TMPRSS11F: variants seen among roughly 807,000 people sequenced by gnomAD.
TMPRSS11F encodes transmembrane protease serine 11F.
A neutral mutation model predicts 60.2 loss-of-function variants in TMPRSS11F; 47 were observed. That is an observed-to-expected ratio of 0.78 (90% CI 0.62 to 1.00). The LOEUF is 1.00. Among genes scored for constraint, TMPRSS11F ranks in the 50% least tolerant of loss-of-function variants. The probability of loss-of-function intolerance (pLI) is 0.00; values close to 1 mark genes in which losing one functional copy is unlikely to be tolerated. For missense variants in TMPRSS11F, 519 were observed against 522.9 expected, an observed-to-expected ratio of 0.99 and a Z score of 0.07; for synonymous variants, 166 against 167.3, an observed-to-expected ratio of 0.99 and a Z score of 0.06.
intron 1 of TMPRSS11F, among the ~76,000 whole-genome samples, chr4:68,109,621 T>TA (rs1724372838): frequency 6.6e-6 from 1 of 152,170 alleles, no homozygotes; most frequent in African/African-American, 2.4e-5. Context: ...GTTTATATAT[T>TA]AGTTCAACTT....
intron 8 of TMPRSS11F, chr4:68,062,051 C>A: frequency 2.2e-6 from 1 of 451,886 alleles, no homozygotes; most frequent in Non-Finnish European, 4.4e-6. Flanking sequence ...GTGACTGAAA[C>A]CCTTCGCCAT....
chr4:68,121,435 T>G (rs1430584669), intron 1 of TMPRSS11F, among the ~76,000 whole-genome samples: 1 of 152,192 alleles, frequency 6.6e-6, no homozygotes. Flanking sequence ...TGGTATGCTA[T>G]TCCTAGAAAT....
chr4:68,056,428 A>C (rs1723046802), intron 9 of TMPRSS11F, among the ~76,000 whole-genome samples: 1 of 150,582 alleles, frequency 6.6e-6, no homozygotes. Context: ...TTACAATAGC[A>C]ACAAAAAAAA....
intron 3 of TMPRSS11F, among the ~76,000 whole-genome samples, chr4:68,086,044 C>T (rs1449599951): frequency 1.3e-5 from 2 of 152,088 alleles, no homozygotes; most frequent in Non-Finnish European, 2.9e-5. Flanking sequence ...CAAACACCTA[C>T]AGAATACTAC....
In TMPRSS11F at chr4:68,064,775, C is replaced by T. The variant is rs753288954; in HGVS notation, c.925G>A (p.Val309Ile). ...LSTGVEFSNI[V>I]QRVCLPDSSI... Reference sequence around the variant, plus strand: ...GAGTCTGGGAGGCAAACTCTCTGGACTATATTTGAAAACTCAACTCCAGTA... The same window carrying T: ...GAGTCTGGGAGGCAAACTCTCTGGATTATATTTGAAAACTCAACTCCAGTA... The change falls in exon 8 of 10, where the codon GTC becomes ATC. Residue 309 changes from valine to isoleucine, a missense_variant. Coordinates refer to ENST00000356291, the MANE Select transcript of TMPRSS11F (RefSeq NM_207407.2). 5 of 1,614,042 alleles carry T rather than the reference C, an allele frequency of 3.1e-6. No homozygotes were observed. In the African/African-American group the frequency reaches 6.7e-5, roughly 22 times the overall value.
intron 8 of TMPRSS11F, 60 bp from the exon 9 acceptor site, chr4:68,059,528 A>T: frequency 6.8e-7 from 1 of 1,474,220 alleles, no homozygotes; most frequent in Non-Finnish European, 9.2e-7. Context: ...AATTGTATCT[A>T]AGACATAGAA....
chr4:68,127,767 A>T (rs1039016768), intron 1 of TMPRSS11F, among the ~76,000 whole-genome samples: 3 of 152,086 alleles, frequency 2.0e-5, no homozygotes, highest in Non-Finnish European at 2.9e-5. Flanking sequence ...ATAATACAAT[A>T]TTTACACTAA....
At chr4:68,127,235 C>T (rs1724728866) in intron 1 of TMPRSS11F, among the ~76,000 whole-genome samples, 1 of 152,020 alleles carries the variant, frequency 6.6e-6, no homozygotes, top group Non-Finnish European at 1.5e-5. Context: ...CCCAGAATAC[C>T]GTCTTTCTCC....
At chr4:68,105,966 A>G (rs1202055486) in intron 1 of TMPRSS11F, among the ~76,000 whole-genome samples, 1 of 152,202 alleles carries the variant, frequency 6.6e-6, no homozygotes, top group Non-Finnish European at 1.5e-5. Flanking sequence ...TATTTAAAAT[A>G]AAACCGATAC....
chr4:68,077,330 G>T (rs2109851429), intron 3 of TMPRSS11F: 1 of 152,398 alleles, frequency 6.6e-6, no homozygotes, highest in East Asian at 1.9e-4. Flanking sequence ...GGCCCAGGCA[G>T]ATTCTAACCC....
At chr4:68,064,610 G>A in intron 8 of TMPRSS11F, 75 bp downstream of exon 8, 2 of 1,483,176 alleles carry the variant, frequency 1.3e-6, no homozygotes, top group Non-Finnish European at 1.8e-6. Flanking sequence ...AGCTTAAGAG[G>A]GATTCTTTAA....
intron 3 of TMPRSS11F, among the ~76,000 whole-genome samples, chr4:68,084,551 C>G (rs1016924566): frequency 6.6e-6 from 1 of 152,042 alleles, no homozygotes; most frequent in African/African-American, 2.4e-5. Context: ...AACTTCATTC[C>G]CTGCCAAACT....
chr4:68,068,746 T>A lies in TMPRSS11F; in HGVS notation c.627A>T (p.Gly209=), dbSNP rs745624202. 8.1e-6 allele frequency: 13 copies of A among 1,614,118 alleles called. No individual in the cohort carries two copies. The highest frequency in any genetic ancestry group is 1.1e-5 in the Non-Finnish European group (13 of 1,180,050). ...ASSSTQRIVQ[G]RETAMEGEWP... is the part of the protein sequence containing the mutation. ...ATTCCCCTTCCATAGCTGTTTCCCT[T>A]CCTTGGACAATTCTTTGAGTAGAAG... The change falls in exon 7 of 10, where the codon GGA becomes GGT. Residue 209 remains glycine (G), a synonymous_variant. Coordinates refer to ENST00000356291, the MANE Select transcript of TMPRSS11F (RefSeq NM_207407.2).
At chr4:68,129,025 G>C (rs1354312285) in intron 1 of TMPRSS11F, among the ~76,000 whole-genome samples, 1 of 152,130 alleles carries the variant, frequency 6.6e-6, no homozygotes, top group African/African-American at 2.4e-5. Flanking sequence ...GGAAACATCA[G>C]TCAGTGCAGA....
At chr4:68,093,414 C>G (rs1230021671) in intron 2 of TMPRSS11F, among the ~76,000 whole-genome samples, 10 of 152,112 alleles carry the variant, frequency 6.6e-5, no homozygotes, top group Admixed American at 3.9e-4. Context: ...GGATTAAAGA[C>G]TTAAACATTA....
chr4:68,098,099 G>A (rs1560405837), intron 2 of TMPRSS11F, among the ~76,000 whole-genome samples: 1 of 152,132 alleles, frequency 6.6e-6, no homozygotes, highest in Non-Finnish European at 1.5e-5. Flanking sequence ...AAGGTCACAA[G>A]TTTGAGACCA....
chr4:68,096,728 T>C (rs1038530563), intron 2 of TMPRSS11F, among the ~76,000 whole-genome samples: 2 of 152,216 alleles, frequency 1.3e-5, no homozygotes, highest in African/African-American at 4.8e-5. Flanking sequence ...CTGAAATCTT[T>C]AGAATAAAAA....
At chr4:68,102,169 G>A (rs1235727376) in intron 1 of TMPRSS11F, among the ~76,000 whole-genome samples, 2 of 152,076 alleles carry the variant, frequency 1.3e-5, no homozygotes, top group Non-Finnish European at 2.9e-5. Context: ...TTTTTGGGGG[G>A]CTCAGGAAAA....
At chr4:68,068,326 A>G (rs542666341) in intron 7 of TMPRSS11F, among the ~76,000 whole-genome samples, 4 of 152,194 alleles carry the variant, frequency 2.6e-5, no homozygotes, top group Admixed American at 2.6e-4. Context: ...AACTTGTTAC[A>G]TGTGTAATAG....
Sources: allele counts gnomAD v4.1 joint callset (sites outside exome capture counted in the v4.1 genomes callset), GRCh38; gene constraint gnomAD v4.1.1; transcripts MANE v1.5; gene names NCBI Gene and HGNC (gene_info 2026-07-23, HGNC 2026-07-21).